ENPP3: variants seen among roughly 807,000 people sequenced by gnomAD.
The protein encoded by ENPP3 is ectonucleotide pyrophosphatase/phosphodiesterase 3.
In ENPP3, 104 loss-of-function variants were observed where a neutral mutation model predicts 117.8. The observed-to-expected ratio is 0.88, with a 90% CI of 0.75 to 1.04. ENPP3 has a LOEUF of 1.04. ENPP3 is among the 50% of genes least tolerant of loss of function. ENPP3 has a pLI of 0.00. For synonymous variants in ENPP3, 380 were observed against 349.9 expected (o/e 1.09, Z -0.96); for missense variants, 1,026 against 1,051.9 (o/e 0.98, Z 0.34).
At chr6:131,639,084 T>C (rs1456380455) in intron 1 of ENPP3, among the ~76,000 whole-genome samples, 3 of 152,028 alleles carry the variant, frequency 2.0e-5, no homozygotes, top group Non-Finnish European at 4.4e-5. Context: ...GTCACCGCTA[T>C]TCTCTGTCTC....
chr6:131,717,349 G>A lies in ENPP3; in HGVS notation c.1413-1323G>A, dbSNP rs936735158. ...GTAAAAACAAACAGAAACCCTGCGG[G>A]GGGTGTGTGTGTGTGTGTGTGTGTG... On this transcript the variant is annotated intron_variant, in intron 15 of 24. Transcript: ENST00000357639. Among the ~76,000 whole-genome samples the A allele has an allele frequency of 4.5e-3, 570 of 126,932 alleles. 46 individuals are homozygous for A. The highest frequency in any genetic ancestry group is 0.017 in the African/African-American group (508 of 30,708). 83.3% of individuals were successfully genotyped at this position (126,932 alleles called of 152,430 possible).
chr6:131,683,182 T>G lies in ENPP3; in HGVS notation c.1120+20T>G, dbSNP rs1779065194. On this transcript the variant is annotated intron_variant, in intron 12 of 24. Transcript: ENST00000357639. ...ACCATGGTATGCTTTTAAAAAACAT[T>G]CTTATTTTATCATTGACTATAATTT... The G allele has an allele frequency of 4.0e-6, 5 of 1,238,110 alleles. No individual in the cohort carries two copies. Among genetic ancestry groups the G allele is most frequent in the Non-Finnish European group, 4.7e-6 (4 of 846,554 alleles). 76.7% of individuals were successfully genotyped at this position (1,238,110 alleles called of 1,614,324 possible).
chr6:131,656,596 T>C (rs943362341), intron 5 of ENPP3, among the ~76,000 whole-genome samples: 3 of 151,900 alleles, frequency 2.0e-5, no homozygotes, highest in Non-Finnish European at 4.4e-5. Flanking sequence ...TGAAACCCCG[T>C]CTCTACTAAA....
chr6:131,746,466 TGATATAAA>T (rs1488702023), intron 24 of ENPP3, among the ~76,000 whole-genome samples: 1 of 151,888 alleles, frequency 6.6e-6, no homozygotes, highest in Non-Finnish European at 1.5e-5. Flanking sequence ...GGATTCACCC[TGATATAAA>T]GATGTTTAGT....
At chr6:131,704,474 C>CT (rs1192267696) in intron 15 of ENPP3, among the ~76,000 whole-genome samples, 161 of 126,168 alleles carry the variant, frequency 1.3e-3, no homozygotes, top group African/African-American at 3.4e-3. Flanking sequence ...TGAAAATTTT[C>CT]TTTTTTTTTT....
At chr6:131,659,305 A>G (rs1778450108) in intron 6 of ENPP3, among the ~76,000 whole-genome samples, 1 of 151,978 alleles carries the variant, frequency 6.6e-6, no homozygotes, top group Non-Finnish European at 1.5e-5. Context: ...TTTTTTTTTA[A>G]AAGAAGTTGA....
rs1293625177 is a variant in ENPP3 at position 131,722,388 on chromosome 6, T to C, written c.1729T>C (p.Cys577Arg). Residue 577 changes from cysteine (C) to arginine (R), a missense_variant, in exon 18 of 25, where the codon TGC becomes CGC. Physicochemically the swap from Cys to Arg is radical, Grantham distance 180. Transcript: ENST00000357639. Reference protein sequence around the residue: ...PLPTESLDCFCPHLQNSTQLE... With the variant: ...PLPTESLDCFRPHLQNSTQLE... ...GCCCACAGAGTCTCTTGACTGTTTCTGCCCTCACCTACAAAATGTAAGTAA... is the reference window on the plus strand; with the variant it reads ...GCCCACAGAGTCTCTTGACTGTTTCCGCCCTCACCTACAAAATGTAAGTAA... 1 of 1,613,416 alleles carries C rather than the reference T, an allele frequency of 6.2e-7. No homozygotes were observed.
chr6:131,639,277 T>TTC (rs56992373), intron 1 of ENPP3, among the ~76,000 whole-genome samples: 4 of 140,662 alleles, frequency 2.8e-5, no homozygotes, highest in African/African-American at 1.0e-4. Context: ...TTTTTTTTTT[T>TTC]TCTCTCTCTC....
At chr6:131,673,925 A>G (rs1275756371) in intron 7 of ENPP3, among the ~76,000 whole-genome samples, 1 of 152,150 alleles carries the variant, frequency 6.6e-6, no homozygotes, top group African/African-American at 2.4e-5. Flanking sequence ...GCCATTTACT[A>G]GCAGGGACTT....
intron 6 of ENPP3, among the ~76,000 whole-genome samples, chr6:131,663,027 A>AT (rs1469608067): frequency 2.0e-5 from 3 of 152,110 alleles, no homozygotes; most frequent in Non-Finnish European, 4.4e-5. Flanking sequence ...GTATCCTGCA[A>AT]TTTTACTGCA....
chr6:131,709,298 TG>T, intron 15 of ENPP3: 1 of 1,150,482 alleles, frequency 8.7e-7, no homozygotes, highest in Non-Finnish European at 1.2e-6. Flanking sequence ...CCTCTTTCAT[TG>T]GTAATCTGAT....
intron 6 of ENPP3, among the ~76,000 whole-genome samples, chr6:131,670,234 C>T (rs1196286217): frequency 3.3e-5 from 5 of 152,306 alleles, no homozygotes; most frequent in East Asian, 3.9e-4. Context: ...TATGCAGTTA[C>T]ACAAGTGAAA....
intron 6 of ENPP3, among the ~76,000 whole-genome samples, chr6:131,659,218 C>T (rs1038823483): frequency 1.3e-5 from 2 of 152,052 alleles, no homozygotes; most frequent in Non-Finnish European, 2.9e-5. Flanking sequence ...GAGGTGGAGG[C>T]TAGAGCATCC....
intron 6 of ENPP3, among the ~76,000 whole-genome samples, chr6:131,659,429 G>T (rs1247538783): frequency 6.6e-6 from 1 of 152,014 alleles, no homozygotes; most frequent in Non-Finnish European, 1.5e-5. Context: ...TCCCTCCTCC[G>T]AGGCTGTTTT....
intron 5 of ENPP3, among the ~76,000 whole-genome samples, chr6:131,658,006 T>G (rs527317473): frequency 6.6e-6 from 1 of 151,958 alleles, no homozygotes; most frequent in East Asian, 1.9e-4. Context: ...CTACTAAAAT[T>G]TATCCGGTTG....
intron 18 of ENPP3, 90 bp downstream of exon 18, chr6:131,722,495 G>T: frequency 9.9e-7 from 1 of 1,010,938 alleles, no homozygotes. Flanking sequence ...CAACAACCAG[G>T]TTTGTGTTCC....
chr6:131,679,026 C>CTTCTTTCTTTCTTTCTTTCT (rs1188919565), intron 11 of ENPP3, among the ~76,000 whole-genome samples: 10 of 47,862 alleles, frequency 2.1e-4, no homozygotes, highest in Admixed American at 2.5e-4. Flanking sequence ...TCCTTCCTTC[C>CTTCTTTCTTTCTTTCTTTCT]TTCTTTCTTT....
At chr6:131,718,632 A>G in intron 15 of ENPP3, 40 bp from the exon 16 acceptor site, 1 of 1,025,078 alleles carries the variant, frequency 9.8e-7, no homozygotes, top group Non-Finnish European at 1.5e-6. Flanking sequence ...GTCTCATATC[A>G]ATATATTGAT....
Position 131,675,096 on chromosome 6 carries a change from T to A in ENPP3, c.779T>A (p.Met260Lys), listed in dbSNP as rs1397123985. The change falls in exon 9 of 25, where the codon ATG becomes AAG. Residue 260 changes from methionine (M) to lysine (K), a missense_variant. Coordinates refer to ENST00000357639, the MANE Select transcript of ENPP3 (RefSeq NM_005021.5). ...WHGQPMWLTA[M>K]YQGLKAATYF... ...TTCTTACAGATGTGGCTGACAGCAATGTATCAAGGTTTAAAAGCCGCTACC... is the reference window on the plus strand; with the variant it reads ...TTCTTACAGATGTGGCTGACAGCAAAGTATCAAGGTTTAAAAGCCGCTACC... The A allele has an allele frequency of 2.5e-6, 4 of 1,612,786 alleles. No homozygotes were observed. The highest frequency in any genetic ancestry group is 3.4e-6 in the Non-Finnish European group (4 of 1,178,850).
Sources: allele counts gnomAD v4.1 joint callset (sites outside exome capture counted in the v4.1 genomes callset), GRCh38; gene constraint gnomAD v4.1.1; transcripts MANE v1.5; gene names NCBI Gene and HGNC (gene_info 2026-07-23, HGNC 2026-07-21).